The following PLXNA2 variants were observed in gnomAD, a reference collection of about 807,000 sequenced individuals.
PLXNA2 encodes plexin A2.
In PLXNA2, 91 loss-of-function variants were observed where a neutral mutation model predicts 193.5. That is an observed-to-expected ratio of 0.47 (90% CI 0.40 to 0.56). The LOEUF is 0.56. Among genes scored for constraint, PLXNA2 ranks in the 20% least tolerant of loss-of-function variants. PLXNA2 has a pLI of 0.00. For synonymous variants in PLXNA2, 997 were observed against 1,027.3 expected (o/e 0.97, Z 0.56); for missense variants, 1,995 against 2,503.2 (o/e 0.80, Z 4.33).
At chr1:208,101,856 C>T (rs1667107700) in intron 5 of PLXNA2, among the ~76,000 whole-genome samples, 1 of 152,168 alleles carries the variant, frequency 6.6e-6, no homozygotes, top group Admixed American at 6.5e-5. Flanking sequence ...GGGCAGGCTG[C>T]CCAGGGCCCT....
chr1:208,122,594 C>T (rs1667838699), intron 4 of PLXNA2, among the ~76,000 whole-genome samples: 1 of 152,074 alleles, frequency 6.6e-6, no homozygotes, highest in South Asian at 2.1e-4. Flanking sequence ...CTTCCATGCC[C>T]CTTTCAGCTT....
chr1:208,152,068 C>T (rs1002613236), intron 3 of PLXNA2, among the ~76,000 whole-genome samples: 3 of 152,202 alleles, frequency 2.0e-5, no homozygotes, highest in Admixed American at 2.0e-4. Context: ...TTAATTAATT[C>T]ATTCTTTTCT....
rs1382986768 is a variant in PLXNA2, at chr1:208,243,738, C to T, written c.-176G>A. The T allele has an allele frequency of 6.6e-6, 1 of 152,286 alleles. No individual in the cohort carries two copies. Among genetic ancestry groups the T allele is most frequent in the Non-Finnish European group, 1.5e-5 (1 of 68,084 alleles). 9.4% of individuals were successfully genotyped at this position (152,286 alleles called of 1,614,324 possible). A position where few individuals can be genotyped will look rare whatever the true frequency, so the allele number is the denominator to read the frequency against. ...GCGGCGCGAGGCCCCTCTCCCTGCC[C>T]GCAGCTCGGAATCAGGGAGACGACC... On this transcript the variant is annotated 5_prime_UTR_variant, in exon 1 of 32. Coordinates refer to ENST00000367033, the MANE Select transcript of PLXNA2 (RefSeq NM_025179.4).
chr1:208,029,486 C>T (rs1025800168), intron 29 of PLXNA2: 9 of 1,005,560 alleles, frequency 9.0e-6, no homozygotes, highest in Non-Finnish European at 2.4e-6. Context: ...TCGGAGCAGG[C>T]ACAAAGGGCG....
At chr1:208,075,064 A>T (rs1263363636) in intron 12 of PLXNA2, among the ~76,000 whole-genome samples, 1 of 152,188 alleles carries the variant, frequency 6.6e-6, no homozygotes, top group Non-Finnish European at 1.5e-5. Flanking sequence ...TAAATCCAGC[A>T]CTTTGGGAAG....
In PLXNA2 at chr1:208,039,684, G is replaced by C. The variant is rs188406573; in HGVS notation, c.4437C>G (p.Gly1479=). 1 of 1,614,164 alleles carries C rather than the reference G, an allele frequency of 6.2e-7. No homozygotes were observed. Among genetic ancestry groups the C allele is most frequent in the Admixed American group, 1.7e-5 (1 of 60,022 alleles). The change falls in exon 24 of 32, where the codon GGC becomes GGG. Residue 1479 remains glycine (G), a synonymous_variant. Coordinates refer to ENST00000367033, the MANE Select transcript of PLXNA2 (RefSeq NM_025179.4). The part of the protein sequence containing the change: ...MEKGPIDAIT[G]EARYSLSEDK... ...CCTCGCTCAGGGAGTAGCGGGCCTCGCCCGTGATGGCATCAATGGGGCCCT... is the reference window on the plus strand; with the variant it reads ...CCTCGCTCAGGGAGTAGCGGGCCTCCCCCGTGATGGCATCAATGGGGCCCT...
Position 208,184,049 on chromosome 1 carries a change from A to G in PLXNA2, c.1371+26231T>C, listed in dbSNP as rs750032993. On this transcript the variant is annotated intron_variant, in intron 3 of 31. Coordinates refer to ENST00000367033, the MANE Select transcript of PLXNA2 (RefSeq NM_025179.4). ...TATTGTATTGAACAGCACAGATATA[A>G]AAGTTTTTTCTCATCACAGAATGTT... is the stretch of plus-strand genomic sequence containing the variant. 3.3e-4 allele frequency among the ~76,000 whole-genome samples: 50 copies of G among 152,314 alleles called. No homozygotes were observed. The Middle Eastern group carries it at 0.01, about 31-fold the overall frequency.
intron 1 of PLXNA2, among the ~76,000 whole-genome samples, chr1:208,221,192 G>A (rs181983845): frequency 3.7e-4 from 56 of 152,274 alleles, no homozygotes; most frequent in Admixed American, 1.6e-3. Context: ...GCATTTCCAT[G>A]AGCCTATTTC....
At chr1:208,119,920 G>A (rs1014691080) in intron 4 of PLXNA2, among the ~76,000 whole-genome samples, 11 of 152,186 alleles carry the variant, frequency 7.2e-5, no homozygotes, top group African/African-American at 2.2e-4. Flanking sequence ...GGCCTTCTCC[G>A]GAACTTTCTA....
At chr1:208,169,399 T>C (rs1669420484) in intron 3 of PLXNA2, among the ~76,000 whole-genome samples, 1 of 152,188 alleles carries the variant, frequency 6.6e-6, no homozygotes, top group Non-Finnish European at 1.5e-5. Context: ...TGGGCATAAC[T>C]TTAACTCGTC....
At position 208,058,389 on chromosome 1, in the gene PLXNA2, C is replaced by T. The variant is rs889932283; in HGVS notation, c.2738+2297G>A. Among the ~76,000 whole-genome samples, 16 of 152,300 alleles carry T rather than the reference C, an allele frequency of 1.1e-4. 1 individual carries two copies. The highest frequency in any genetic ancestry group is 6.8e-3 in the Middle Eastern group (2 of 294). ...AACCTAATTGCTGAGTGATAGATGG[C>T]GCAGCACAAGCATATGGTGAATCAT... On this transcript the variant is annotated intron_variant, in intron 13 of 31. Coordinates refer to ENST00000367033, the MANE Select transcript of PLXNA2 (RefSeq NM_025179.4).
At chr1:208,035,919 A>T (rs933947810) in intron 26 of PLXNA2, among the ~76,000 whole-genome samples, 1 of 152,218 alleles carries the variant, frequency 6.6e-6, no homozygotes, top group Non-Finnish European at 1.5e-5. Flanking sequence ...AATCTGCAGA[A>T]GCCTGGGAAG....
intron 8 of PLXNA2, among the ~76,000 whole-genome samples, chr1:208,094,842 A>G (rs913024084): frequency 1.3e-5 from 2 of 152,240 alleles, no homozygotes; most frequent in African/African-American, 4.8e-5. Flanking sequence ...TCTAATTATG[A>G]AAATCAAGTT....
Position 208,054,410 on chromosome 1 carries a change from C to T in PLXNA2, c.2856+11G>A. 1 of 1,588,328 alleles carries T rather than the reference C, an allele frequency of 6.3e-7. No homozygotes were observed. Among genetic ancestry groups the T allele is most frequent in the Non-Finnish European group, 8.6e-7 (1 of 1,156,658 alleles). ...TGGGCACCTGCACCTGGCCCTGGAC[C>T]CAGTACTCACCACGAAGGTGTACTG... On this transcript the variant is annotated intron_variant, in intron 14 of 31. Transcript: ENST00000367033.
chr1:208,152,086 G>A (rs12730195), intron 3 of PLXNA2, among the ~76,000 whole-genome samples: 32,697 of 152,168 alleles, frequency 0.21, 4,390 homozygotes, highest in Non-Finnish European at 0.31. Flanking sequence ...TCTTTTCTAT[G>A]GCCTGAGATT....
intron 13 of PLXNA2, 64 bp downstream of exon 13, chr1:208,060,622 G>T: frequency 6.9e-7 from 1 of 1,453,694 alleles, no homozygotes; most frequent in East Asian, 2.4e-5. Flanking sequence ...GAAGGGAGAG[G>T]GGAGAGTCTC....
chr1:208,093,359 G>A (rs1666774881), intron 8 of PLXNA2, among the ~76,000 whole-genome samples: 1 of 152,182 alleles, frequency 6.6e-6, no homozygotes, highest in South Asian at 2.1e-4. Context: ...TACAGGGACA[G>A]GAATTGGGCA....
At chr1:208,050,907 G>C in intron 17 of PLXNA2, 102 bp downstream of exon 17, 1 of 795,248 alleles carries the variant, frequency 1.3e-6, no homozygotes, top group Non-Finnish European at 2.2e-6. Context: ...TTCCTCTCCA[G>C]TATTCAGAGG....
At chr1:208,212,106 A>C (rs1445039645) in intron 2 of PLXNA2, among the ~76,000 whole-genome samples, 1 of 152,236 alleles carries the variant, frequency 6.6e-6, no homozygotes. Flanking sequence ...CCAGAGGAGG[A>C]AGGAAATGGC....
Sources: allele counts gnomAD v4.1 joint callset (sites outside exome capture counted in the v4.1 genomes callset), GRCh38; gene constraint gnomAD v4.1.1; transcripts MANE v1.5; gene names NCBI Gene and HGNC (gene_info 2026-07-23, HGNC 2026-07-21).